The following TBC1D32 variants were observed in gnomAD, a reference collection of about 807,000 sequenced individuals.
TBC1D32 encodes protein broad-minded.
TBC1D32 carries 151 observed loss-of-function variants against 170.3 expected under a neutral mutation model. The ratio of observed to expected loss-of-function variants is 0.89; its 90% CI spans 0.78 to 1.01. The LOEUF is 1.01. Among genes scored for constraint, TBC1D32 ranks in the 50% least tolerant of loss-of-function variants. TBC1D32 has a pLI of 0.00. For synonymous variants in TBC1D32, 498 were observed against 488.0 expected (o/e 1.02, Z -0.27); for missense variants, 1,464 against 1,457.1 (o/e 1.00, Z -0.08).
chr6:121,100,289 G>T (rs1406666072), intron 30 of TBC1D32, among the ~76,000 whole-genome samples: 2 of 151,884 alleles, frequency 1.3e-5, no homozygotes, highest in Admixed American at 6.6e-5. Context: ...AGGTCCGATT[G>T]GTGCAGAGCT....
chr6:121,187,426 G>T (rs1028321061), intron 22 of TBC1D32, among the ~76,000 whole-genome samples: 1 of 151,986 alleles, frequency 6.6e-6, no homozygotes, highest in Non-Finnish European at 1.5e-5. Flanking sequence ...AGTACCTCTG[G>T]AATGTTGTAA....
chr6:121,084,194 A>G lies in TBC1D32; in HGVS notation c.3655-3304T>C, dbSNP rs1180166538. Among the ~76,000 whole-genome samples, 2 of 152,118 alleles carry G rather than the reference A, an allele frequency of 1.3e-5. 1 individual carries two copies. The highest frequency in any genetic ancestry group is 2.9e-5 in the Non-Finnish European group (2 of 68,000). ...TTATTAGAAATAGAATAAGGTCTAC[A>G]ATACTTAAGATATTATGTATTTGTT... On this transcript the variant is annotated intron_variant, in intron 31 of 31. Transcript: ENST00000398212.
Position 121,256,285 on chromosome 6 carries a change from A to G in TBC1D32, c.1734T>C (p.Ser578=). The stretch of plus-strand genomic sequence containing the variant: ...GGGCAATTATATGAGCACCTGTAGG[A>G]CTAAAAGATGATACCTGAAAGTGAT... The part of the protein sequence containing the change: ...YGANMNSSEE[S]PTGAHIIAQF... Residue 578 remains serine, a splice_region_variant and synonymous_variant, in exon 16 of 32, where the codon AGT becomes AGC. Coordinates refer to ENST00000398212, the MANE Select transcript of TBC1D32 (RefSeq NM_152730.6). The G allele has an allele frequency of 6.2e-7, 1 of 1,606,010 alleles. No homozygotes were observed. Among genetic ancestry groups the G allele is most frequent in the Non-Finnish European group, 8.5e-7 (1 of 1,176,662 alleles).
chr6:121,304,484 A>T, intron 7 of TBC1D32, 38 bp downstream of exon 7: 1 of 1,602,034 alleles, frequency 6.2e-7, no homozygotes, highest in South Asian at 1.1e-5. Context: ...ATAAAACTAA[A>T]TAAATAAAAA....
intron 15 of TBC1D32, among the ~76,000 whole-genome samples, chr6:121,265,397 A>C (rs1233991731): frequency 6.6e-6 from 1 of 152,190 alleles, no homozygotes; most frequent in African/African-American, 2.4e-5. Flanking sequence ...GCCACTGCTC[A>C]AGGCAATAAG....
intron 21 of TBC1D32, among the ~76,000 whole-genome samples, chr6:121,209,487 C>T (rs1329366946): frequency 6.6e-6 from 1 of 152,152 alleles, no homozygotes; most frequent in Non-Finnish European, 1.5e-5. Context: ...CCTGCTTTCC[C>T]CCTTTCCCAT....
intron 21 of TBC1D32, among the ~76,000 whole-genome samples, chr6:121,207,021 C>G (rs1426106958): frequency 6.6e-6 from 1 of 152,146 alleles, no homozygotes; most frequent in African/African-American, 2.4e-5. Flanking sequence ...TTGCCCTGGA[C>G]ATAGTGATGA....
chr6:121,278,590 A>C (rs1006644456), intron 15 of TBC1D32, among the ~76,000 whole-genome samples: 3 of 152,150 alleles, frequency 2.0e-5, no homozygotes, highest in Non-Finnish European at 2.9e-5. Context: ...TATACACAAA[A>C]GTGTAATGCA....
At chr6:121,306,168 T>C (rs959504541) in intron 5 of TBC1D32, among the ~76,000 whole-genome samples, 1 of 152,098 alleles carries the variant, frequency 6.6e-6, no homozygotes, top group Admixed American at 6.6e-5. Context: ...GTTCCAGAAG[T>C]CTACAATACC....
At chr6:121,228,739 T>G (rs763603819) in intron 20 of TBC1D32, among the ~76,000 whole-genome samples, 20 of 152,114 alleles carry the variant, frequency 1.3e-4, no homozygotes, top group Non-Finnish European at 1.8e-4. Context: ...GAGTATAATA[T>G]TCTATAAATA....
At chr6:121,236,370 CA>C (rs1796330054) in intron 20 of TBC1D32, among the ~76,000 whole-genome samples, 2 of 152,032 alleles carry the variant, frequency 1.3e-5, no homozygotes. Flanking sequence ...CTGCATAGGG[CA>C]ATTGTCTACC....
At chr6:121,133,732 A>G (rs956426740) in intron 24 of TBC1D32, among the ~76,000 whole-genome samples, 3 of 152,098 alleles carry the variant, frequency 2.0e-5, no homozygotes, top group African/African-American at 7.2e-5. Flanking sequence ...GGACTCACAT[A>G]AATACACACA....
intron 15 of TBC1D32, among the ~76,000 whole-genome samples, chr6:121,276,792 GAAAATTATC>G (rs1204494050): frequency 6.6e-6 from 1 of 152,084 alleles, no homozygotes; most frequent in Non-Finnish European, 1.5e-5. Context: ...GCAAAGCAAG[GAAAATTATC>G]AAGGGTAAAA....
chr6:121,188,552 T>C (rs749744988), intron 22 of TBC1D32, among the ~76,000 whole-genome samples: 4 of 151,962 alleles, frequency 2.6e-5, no homozygotes, highest in Non-Finnish European at 4.4e-5. Flanking sequence ...AGATAAGAGA[T>C]GAAGGCTGAA....
chr6:121,113,878 T>A (rs1779439293), intron 27 of TBC1D32, among the ~76,000 whole-genome samples: 4 of 152,180 alleles, frequency 2.6e-5, no homozygotes, highest in Admixed American at 2.0e-4. Context: ...CACCATTTTT[T>A]AAAAAGTCTC....
At chr6:121,157,188 C>T (rs79368690) in intron 24 of TBC1D32, among the ~76,000 whole-genome samples, 2,666 of 152,194 alleles carry the variant, frequency 0.018, 80 homozygotes, top group African/African-American at 0.061. Flanking sequence ...AATCTGAGTG[C>T]TCTAATGTTG....
At chr6:121,173,773 G>A (rs1787390207) in intron 22 of TBC1D32, among the ~76,000 whole-genome samples, 1 of 152,058 alleles carries the variant, frequency 6.6e-6, no homozygotes, top group African/African-American at 2.4e-5. Context: ...TACAAAATTT[G>A]GGCCTTTAGA....
chr6:121,207,845 C>T (rs959474047), intron 21 of TBC1D32, among the ~76,000 whole-genome samples: 2 of 152,134 alleles, frequency 1.3e-5, no homozygotes, highest in Admixed American at 6.5e-5. Context: ...TTTACAACTG[C>T]CCCAATAGCT....
intron 20 of TBC1D32, among the ~76,000 whole-genome samples, chr6:121,236,363 C>T (rs1272761040): frequency 3.3e-5 from 5 of 152,036 alleles, no homozygotes; most frequent in African/African-American, 1.2e-4. Context: ...TGTATAGCTG[C>T]ATAGGGCAAT....
Sources: gnomAD v4.1 joint callset for allele counts (sites outside exome capture counted in the v4.1 genomes callset) on GRCh38, gnomAD v4.1.1 for gene constraint, MANE v1.5 for transcripts, NCBI Gene and HGNC (gene_info 2026-07-23, HGNC 2026-07-21) for gene names.